SCCPDH: variants seen among roughly 807,000 people sequenced by gnomAD.
SCCPDH encodes saccharopine dehydrogenase-like oxidoreductase.
In SCCPDH, 34 loss-of-function variants were observed where a neutral mutation model predicts 51.5. The ratio of observed to expected loss-of-function variants is 0.66; its 90% CI spans 0.50 to 0.88. The LOEUF (loss-of-function observed/expected upper bound fraction) is 0.88, where lower values mean the gene tolerates loss of function less well. Ranked by LOEUF, SCCPDH falls within the 40% of genes least tolerant of loss-of-function variation. The pLI is 0.00. For synonymous variants in SCCPDH, 187 were observed against 191.3 expected (o/e 0.98, Z 0.19); for missense variants, 464 against 527.1 (o/e 0.88, Z 1.17).
intron 4 of SCCPDH, among the ~76,000 whole-genome samples, chr1:246,741,995 G>A (rs562801024): frequency 3.3e-5 from 5 of 152,326 alleles, no homozygotes; most frequent in East Asian, 1.9e-4. Context: ...CTTGAACCCC[G>A]GAGGCGGAGG....
chr1:246,735,334 T>C (rs942108569), intron 2 of SCCPDH, among the ~76,000 whole-genome samples: 2 of 152,220 alleles, frequency 1.3e-5, no homozygotes, highest in Non-Finnish European at 2.9e-5. Context: ...AACCTCTGCA[T>C]TTACTTTTTC....
intron 2 of SCCPDH, among the ~76,000 whole-genome samples, chr1:246,735,528 C>G (rs1300987232): frequency 6.6e-6 from 1 of 152,090 alleles, no homozygotes. Flanking sequence ...CAGGTATCTT[C>G]TCAGTTTATC....
At chr1:246,748,805 G>C (rs890210300) in intron 5 of SCCPDH, among the ~76,000 whole-genome samples, 2 of 152,074 alleles carry the variant, frequency 1.3e-5, no homozygotes, top group African/African-American at 4.8e-5. Flanking sequence ...AGAATGCTAG[G>C]GTGGAAGGGA....
At chr1:246,757,115 G>A (rs564602427) in intron 5 of SCCPDH, among the ~76,000 whole-genome samples, 13 of 152,282 alleles carry the variant, frequency 8.5e-5, no homozygotes, top group Non-Finnish European at 1.5e-4. Flanking sequence ...AGGCCAAGGC[G>A]GGCGGCTTGC....
intron 5 of SCCPDH, among the ~76,000 whole-genome samples, chr1:246,753,343 A>G (rs988218105): frequency 3.3e-5 from 5 of 151,948 alleles, no homozygotes; most frequent in African/African-American, 9.7e-5. Context: ...CCAGTTCTCT[A>G]TCTTTTGTAA....
intron 1 of SCCPDH, among the ~76,000 whole-genome samples, chr1:246,725,593 G>C (rs891928617): frequency 1.3e-5 from 2 of 152,084 alleles, no homozygotes; most frequent in African/African-American, 4.8e-5. Flanking sequence ...GCTTTTGTTC[G>C]TGGTTATGTA....
chr1:246,731,188 C>T (rs141618056), intron 2 of SCCPDH, among the ~76,000 whole-genome samples: 79 of 152,260 alleles, frequency 5.2e-4, no homozygotes, highest in Non-Finnish European at 9.3e-4. Context: ...GTTCACCTGT[C>T]TCAGACAAGC....
At chr1:246,732,923 G>A (rs2102981050) in intron 2 of SCCPDH, among the ~76,000 whole-genome samples, 1 of 152,278 alleles carries the variant, frequency 6.6e-6, no homozygotes, top group East Asian at 1.9e-4. Flanking sequence ...AGTGGCTGCA[G>A]AGCCTGGATG....
chr1:246,753,720 T>C (rs912367621), intron 5 of SCCPDH, among the ~76,000 whole-genome samples: 6 of 151,852 alleles, frequency 4.0e-5, no homozygotes, highest in Non-Finnish European at 8.8e-5. Context: ...TCGTGGCTCT[T>C]TCTTCCCCCG....
At chr1:246,727,157 G>C (rs1026635720) in intron 2 of SCCPDH, among the ~76,000 whole-genome samples, 153 bp downstream of exon 2, 1 of 152,248 alleles carries the variant, frequency 6.6e-6, no homozygotes, top group Non-Finnish European at 1.5e-5. Context: ...AGCAGCTGGA[G>C]ATGACCAAAG....
intron 9 of SCCPDH, among the ~76,000 whole-genome samples, chr1:246,762,072 CGTGAG>C (rs1417673567): frequency 6.6e-6 from 1 of 152,088 alleles, no homozygotes; most frequent in East Asian, 1.9e-4. Flanking sequence ...CTGTAATGGC[CGTGAG>C]GTGGTGTCTC....
At chr1:246,761,937 T>G (rs1369307231) in intron 9 of SCCPDH, among the ~76,000 whole-genome samples, 2 of 152,240 alleles carry the variant, frequency 1.3e-5, no homozygotes, top group African/African-American at 4.8e-5. Context: ...CGTATGTGAA[T>G]TGTATATTTA....
intron 5 of SCCPDH, among the ~76,000 whole-genome samples, chr1:246,747,401 T>C (rs940622335): frequency 6.6e-6 from 1 of 152,098 alleles, no homozygotes; most frequent in Admixed American, 6.6e-5. Flanking sequence ...ATTAAGAAAG[T>C]TAGGCTGGGC....
intron 7 of SCCPDH, 22 bp from the exon 8 acceptor site, chr1:246,759,935 C>T: frequency 6.2e-7 from 1 of 1,601,022 alleles, no homozygotes; most frequent in Non-Finnish European, 8.5e-7. Flanking sequence ...AATGTTCTAA[C>T]TTTGTCTTCT....
intron 5 of SCCPDH, among the ~76,000 whole-genome samples, chr1:246,752,662 G>T (rs546844215): frequency 1.3e-5 from 2 of 151,626 alleles, no homozygotes; most frequent in Admixed American, 6.6e-5. Flanking sequence ...AACTTTCCTC[G>T]ATTCCTGTCT....
At chr1:246,743,998 G>C in intron 4 of SCCPDH, 78 bp from the exon 5 acceptor site, 1 of 799,500 alleles carries the variant, frequency 1.3e-6, no homozygotes. Flanking sequence ...AAGTGAATAC[G>C]CATTGTTTAT....
chr1:246,737,863 A>T (rs1465475879), intron 3 of SCCPDH, among the ~76,000 whole-genome samples: 5 of 151,860 alleles, frequency 3.3e-5, no homozygotes, highest in African/African-American at 7.3e-5. Context: ...GAATGCTGGG[A>T]TTACAGGCAT....
rs1669102434 is a variant in SCCPDH, at chr1:246,767,420, T to C, written c.*120T>C. ...GTGGAAACGATTGTCAAATCTAAAA[T>C]ATCTATATATTAAAAAGTAGGAAAT... On this transcript the variant is annotated 3_prime_UTR_variant, in exon 12 of 12. Coordinates refer to ENST00000366510, the MANE Select transcript of SCCPDH (RefSeq NM_016002.3). 2.0e-6 allele frequency: 1 copy of C among 496,562 alleles called. No homozygotes were observed. The allele number at this position is 496,562 out of a possible 1,614,324, so 30.8% of individuals were successfully genotyped here.
chr1:246,741,219 A>G (rs185186528), intron 4 of SCCPDH, among the ~76,000 whole-genome samples: 1 of 152,356 alleles, frequency 6.6e-6, no homozygotes, highest in Admixed American at 6.5e-5. Context: ...TAGCATAACT[A>G]TGAAACCAAA....
Sources: allele counts gnomAD v4.1 joint callset (sites outside exome capture counted in the v4.1 genomes callset), GRCh38; gene constraint gnomAD v4.1.1; transcripts MANE v1.5; gene names NCBI Gene and HGNC (gene_info 2026-07-23, HGNC 2026-07-21).